PDPN: variants seen among roughly 807,000 people sequenced by gnomAD.
The protein encoded by PDPN is podoplanin, also known as PA2.26 antigen.
PDPN carries 12 observed loss-of-function variants against 23.2 expected under a neutral mutation model. The ratio of observed to expected loss-of-function variants is 0.52; its 90% CI spans 0.33 to 0.84. PDPN has a LOEUF of 0.84. Among genes scored for constraint, PDPN ranks in the 40% least tolerant of loss-of-function variants. The pLI, the probability that PDPN is intolerant of heterozygous loss-of-function variation, is 0.02. For synonymous variants in PDPN, 77 were observed against 76.7 expected, an observed-to-expected ratio of 1.00 and a Z score of -0.02; for missense variants, 199 against 212.2, an observed-to-expected ratio of 0.94 and a Z score of 0.39.
intron 2 of PDPN, among the ~76,000 whole-genome samples, chr1:13,608,078 C>A (rs1640838892): frequency 6.6e-6 from 1 of 152,100 alleles, no homozygotes; most frequent in Non-Finnish European, 1.5e-5. Context: ...GCACTCCAGC[C>A]TGGGCAACGA....
At chr1:13,598,331 A>G (rs151058391) in intron 1 of PDPN, among the ~76,000 whole-genome samples, 1 of 151,968 alleles carries the variant, frequency 6.6e-6, no homozygotes, top group East Asian at 2.0e-4. Context: ...TTTATTTCTG[A>G]TCCTCAGTGG....
chr1:13,602,541 A>G (rs1429267246), intron 1 of PDPN, among the ~76,000 whole-genome samples: 2 of 152,184 alleles, frequency 1.3e-5, no homozygotes, highest in East Asian at 1.9e-4. Flanking sequence ...AATTTGGACT[A>G]TTACAATAAC....
intron 5 of PDPN, among the ~76,000 whole-genome samples, chr1:13,615,355 G>A (rs1285792296): frequency 2.0e-5 from 3 of 150,030 alleles, no homozygotes; most frequent in Non-Finnish European, 4.4e-5. Flanking sequence ...GTGCGATCTC[G>A]GCTCACTGCA....
chr1:13,602,963 G>C (rs953114595), intron 1 of PDPN, among the ~76,000 whole-genome samples: 4 of 152,016 alleles, frequency 2.6e-5, no homozygotes, highest in Non-Finnish European at 4.4e-5. Flanking sequence ...AGGACTGCTT[G>C]AACCCAGGAG....
At chr1:13,600,729 A>G (rs1640622202) in intron 1 of PDPN, among the ~76,000 whole-genome samples, 2 of 152,122 alleles carry the variant, frequency 1.3e-5, no homozygotes, top group Non-Finnish European at 2.9e-5. Context: ...AATTGTACGG[A>G]AGACTTTAGT....
At chr1:13,588,102 T>C (rs1193282090) in intron 1 of PDPN, among the ~76,000 whole-genome samples, 2 of 151,506 alleles carry the variant, frequency 1.3e-5, no homozygotes, top group Admixed American at 1.3e-4. Flanking sequence ...TGTGAGGCAA[T>C]GCTAAATTTC....
At chr1:13,606,895 C>T (rs1640802243) in intron 1 of PDPN, among the ~76,000 whole-genome samples, 1 of 152,046 alleles carries the variant, frequency 6.6e-6, no homozygotes, top group African/African-American at 2.4e-5. Context: ...CTGTCCAGGC[C>T]ACCTCGATGG....
Position 13,599,254 on chromosome 1 carries a change from C to T in PDPN, c.68-7919C>T, listed in dbSNP as rs190792367. On this transcript the variant is annotated intron_variant, in intron 1 of 5. Transcript: ENST00000621990. ...TCGATCTCCTGACCGTGTGATCCAC[C>T]TGCATCAGCCTCCCAAAGTGCTGGT... Among the ~76,000 whole-genome samples the T allele has an allele frequency of 1.7e-4, 26 of 152,004 alleles. 1 individual carries two copies. The East Asian group carries it at 4.5e-3, about 26-fold the overall frequency.
intron 1 of PDPN, among the ~76,000 whole-genome samples, chr1:13,596,290 G>T (rs1162826310): frequency 5.3e-5 from 8 of 152,078 alleles, no homozygotes; most frequent in African/African-American, 1.9e-4. Context: ...CATGGTGCCA[G>T]ACTCTAGGAA....
intron 1 of PDPN, among the ~76,000 whole-genome samples, chr1:13,595,504 C>G (rs895845968): frequency 2.6e-5 from 4 of 152,200 alleles, no homozygotes; most frequent in African/African-American, 9.7e-5. Context: ...CAGACTGCCT[C>G]CCAGTTTGTA....
intron 1 of PDPN, among the ~76,000 whole-genome samples, chr1:13,600,863 C>T (rs1199860776): frequency 6.6e-6 from 1 of 151,938 alleles, no homozygotes; most frequent in Non-Finnish European, 1.5e-5. Flanking sequence ...TGGAAAATTC[C>T]TAAGAGATGG....
chr1:13,595,371 T>A (rs1640466159), intron 1 of PDPN, among the ~76,000 whole-genome samples: 1 of 152,102 alleles, frequency 6.6e-6, no homozygotes, highest in Non-Finnish European at 1.5e-5. Context: ...CTCTTCTTCA[T>A]TGCCCAGTTC....
At chr1:13,602,160 A>G (rs1404475399) in intron 1 of PDPN, among the ~76,000 whole-genome samples, 1 of 152,138 alleles carries the variant, frequency 6.6e-6, no homozygotes, top group Non-Finnish European at 1.5e-5. Context: ...CCCTGTCTCT[A>G]CTAAAAAATA....
At chr1:13,584,658 C>G (rs1640126865) in intron 1 of PDPN, among the ~76,000 whole-genome samples, 1 of 152,208 alleles carries the variant, frequency 6.6e-6, no homozygotes, top group Non-Finnish European at 1.5e-5. Context: ...CCTCCTTTAT[C>G]CTCTTTAGAG....
intron 4 of PDPN, 22 bp from the exon 5 acceptor site, chr1:13,614,278 T>G (rs1376368658): frequency 7.4e-7 from 1 of 1,347,032 alleles, no homozygotes; most frequent in South Asian, 1.2e-5. Context: ...GGGCTCATGC[T>G]TTTTTTCTCT....
intron 1 of PDPN, among the ~76,000 whole-genome samples, chr1:13,597,126 C>T (rs1640517869): frequency 6.6e-6 from 1 of 152,172 alleles, no homozygotes; most frequent in Non-Finnish European, 1.5e-5. Flanking sequence ...ATAACTTTAT[C>T]TCAAATGTAA....
At chr1:13,615,176 C>A (rs764066758) in intron 5 of PDPN, among the ~76,000 whole-genome samples, 9 of 152,172 alleles carry the variant, frequency 5.9e-5, no homozygotes, top group Non-Finnish European at 1.3e-4. Flanking sequence ...GTCATAGACT[C>A]CTAGCTTTGA....
chr1:13,583,825 A>C (rs369019664), upstream of PDPN: 49 of 1,553,014 alleles, frequency 3.2e-5, no homozygotes, highest in Non-Finnish European at 4.0e-5. Context: ...CCGCTCGGAA[A>C]GTTCTCAACT....
intron 5 of PDPN, among the ~76,000 whole-genome samples, chr1:13,615,293 TTTTTC>T: frequency 8.9e-6 from 1 of 112,364 alleles, no homozygotes. Context: ...TTTCTTTTTC[TTTTTC>T]TTTTTTTTTG....
Sources: gnomAD v4.1 joint callset for allele counts (sites outside exome capture counted in the v4.1 genomes callset) on GRCh38, gnomAD v4.1.1 for gene constraint, MANE v1.5 for transcripts, NCBI Gene and HGNC (gene_info 2026-07-23, HGNC 2026-07-21) for gene names.